Variants in COL4A6 observed in about 807,000 individuals in gnomAD.
COL4A6 encodes collagen type IV alpha 6 chain, also known as collagen alpha-6(IV) chain.
Under a neutral mutation model 126.7 loss-of-function variants are expected in COL4A6, and 59 were observed. That is an observed-to-expected ratio of 0.47 (90% CI 0.38 to 0.58). COL4A6 has a LOEUF of 0.58. Among genes scored for constraint, COL4A6 ranks in the 20% least tolerant of loss-of-function variants. The probability of loss-of-function intolerance (pLI) is 0.00; values close to 1 mark genes in which losing one functional copy is unlikely to be tolerated. For missense variants in COL4A6, 1,285 were observed against 1,337.3 expected (o/e 0.96, Z 0.61); for synonymous variants, 547 against 496.6 (o/e 1.10, Z -1.35).
intron 5 of COL4A6, among the ~76,000 whole-genome samples, chrX:108,219,231 G>A (rs747599288): frequency 8.9e-6 from 1 of 112,299 alleles, no homozygotes; most frequent in South Asian, 3.7e-4. Flanking sequence ...AAACTTTAAA[G>A]GAAAATTCAC....
At chrX:108,263,315 T>C (rs1026641389) in intron 3 of COL4A6, among the ~76,000 whole-genome samples, 6 of 111,960 alleles carry the variant, frequency 5.4e-5, no homozygotes, top group African/African-American at 1.9e-4. Context: ...ATTTAATTGA[T>C]GAACTTAGGC....
intron 2 of COL4A6, chrX:108,383,322 T>C: frequency 4.2e-6 from 1 of 236,478 alleles, no homozygotes; most frequent in South Asian, 9.5e-5. Flanking sequence ...GGTCAACCCA[T>C]CAGAAAGACA....
chrX:108,205,449 T>C lies in COL4A6; in HGVS notation c.677A>G (p.Lys226Arg). The C allele has an allele frequency of 1.7e-6, 2 of 1,202,881 alleles. No individual in the cohort carries two copies. Among genetic ancestry groups the C allele is most frequent in the Non-Finnish European group, 2.3e-6 (2 of 887,585 alleles). The change falls in exon 11 of 45, where the codon AAA (lysine) becomes AGA (arginine). Residue 226 changes from lysine (K) to arginine (R), a missense_variant. Lys to Arg is a conservative substitution (Grantham distance 26). Coordinates refer to ENST00000334504, the MANE Select transcript of COL4A6 (RefSeq NM_033641.4). ...GNMGLGFQGE[K>R]GVKGDVGLPG... ...TTAAAAGCTGTTTACCTTGACTCCTTTCTCTCCTTGAAAACCTAGCCCCAT... is the reference window on the plus strand; with the variant it reads ...TTAAAAGCTGTTTACCTTGACTCCTCTCTCTCCTTGAAAACCTAGCCCCAT...
intron 13 of COL4A6, among the ~76,000 whole-genome samples, chrX:108,201,614 C>A (rs2345393): frequency 8.9e-6 from 1 of 111,862 alleles, no homozygotes; most frequent in East Asian, 2.8e-4. Flanking sequence ...ATTATTAAAA[C>A]TGTGTGATGG....
chrX:108,162,446 C>T (rs1034658562), intron 41 of COL4A6, among the ~76,000 whole-genome samples: 4 of 87,950 alleles, frequency 4.5e-5, no homozygotes, highest in Non-Finnish European at 9.5e-5. Context: ...AAGAGGAAGA[C>T]GAAGAAGAAA....
At chrX:108,231,077 CTACATACA>C (rs112392457) in intron 3 of COL4A6, among the ~76,000 whole-genome samples, 35 of 105,846 alleles carry the variant, frequency 3.3e-4, no homozygotes, top group African/African-American at 4.9e-4. Flanking sequence ...CCCTTTCCAT[CTACATACA>C]TACATACATA....
chrX:108,425,732 A>AC (rs1491279907), intron 2 of COL4A6, among the ~76,000 whole-genome samples: 4,063 of 103,774 alleles, frequency 0.039, 228 homozygotes, highest in African/African-American at 0.13. Context: ...ACACACACAC[A>AC]AACACACACA....
chrX:108,422,785 A>G (rs1453028415), intron 2 of COL4A6, among the ~76,000 whole-genome samples: 1 of 112,011 alleles, frequency 8.9e-6, no homozygotes, highest in Non-Finnish European at 1.9e-5. Context: ...AGGACTGGAA[A>G]GTTTAGGCTG....
intron 3 of COL4A6, among the ~76,000 whole-genome samples, chrX:108,267,028 G>A (rs769404825): frequency 6.3e-5 from 7 of 111,919 alleles, no homozygotes; most frequent in Non-Finnish European, 1.3e-4. Context: ...AATGGATGTC[G>A]CTGGGCTAAA....
intron 3 of COL4A6, among the ~76,000 whole-genome samples, chrX:108,305,907 A>T (rs1485766251): frequency 8.9e-6 from 1 of 112,307 alleles, no homozygotes; most frequent in African/African-American, 3.2e-5. Context: ...ATCTAAGCAG[A>T]GATATCCAGC....
At chrX:108,211,621 T>C in intron 7 of COL4A6, 51 bp downstream of exon 7, 2 of 1,132,767 alleles carry the variant, frequency 1.8e-6, no homozygotes, top group Non-Finnish European at 2.4e-6. Context: ...GGCCCAATGC[T>C]GGGGAACCCA....
At chrX:108,229,991 G>GA (rs2036264717) in intron 3 of COL4A6, among the ~76,000 whole-genome samples, 1 of 112,487 alleles carries the variant, frequency 8.9e-6, no homozygotes, top group African/African-American at 3.2e-5. Flanking sequence ...CAAAACAGAG[G>GA]AAAGTGCAAA....
At position 108,187,897 on chromosome X, in the gene COL4A6, TCTC is replaced by T. The variant is rs776704403; in HGVS notation, c.1715_1717del (p.Gly572del). 8.3e-7 allele frequency: 1 copy of T among 1,209,126 alleles called. No homozygotes were observed. The highest frequency in any genetic ancestry group is 2.2e-5 in the Admixed American group (1 of 45,971). On this transcript the variant is annotated inframe_deletion, in exon 22 of 45. Transcript: ENST00000334504. ...ACCTGGTACTCCGTCCTTGCCTGGT[TCTC>T]CTATTACACCACGGAAGCCCTGGGA...
chrX:108,384,432 G>A (rs2040637943), intron 2 of COL4A6, among the ~76,000 whole-genome samples: 1 of 112,547 alleles, frequency 8.9e-6, no homozygotes, highest in East Asian at 2.8e-4. Flanking sequence ...ATGAATGACT[G>A]TTTTATCTCA....
intron 3 of COL4A6, among the ~76,000 whole-genome samples, chrX:108,282,876 T>G (rs1413314616): frequency 9.2e-6 from 1 of 108,529 alleles, no homozygotes. Context: ...AAATTGTTAT[T>G]CTCAGTAAAC....
At chrX:108,167,642 T>C (rs2034172192) in intron 37 of COL4A6, among the ~76,000 whole-genome samples, 1 of 111,670 alleles carries the variant, frequency 9.0e-6, no homozygotes, top group Non-Finnish European at 1.9e-5. Context: ...AACCACTCTG[T>C]GATGTTTTCT....
chrX:108,219,607 A>G, intron 5 of COL4A6, 91 bp downstream of exon 5: 1 of 794,393 alleles, frequency 1.3e-6, no homozygotes, highest in South Asian at 2.2e-5. Context: ...GCATGCTTGC[A>G]TGAGACAGGA....
At chrX:108,381,409 T>TA (rs751689398) in intron 2 of COL4A6, among the ~76,000 whole-genome samples, 1 of 112,257 alleles carries the variant, frequency 8.9e-6, no homozygotes, top group African/African-American at 3.2e-5. Flanking sequence ...TATGTATCTT[T>TA]AAAAAATTTA....
intron 3 of COL4A6, among the ~76,000 whole-genome samples, chrX:108,306,512 GA>G (rs1248929223): frequency 9.0e-6 from 1 of 111,718 alleles, no homozygotes; most frequent in Non-Finnish European, 1.9e-5. Flanking sequence ...TAATTAAGGA[GA>G]AAATGGAAAG....
Sources: allele counts gnomAD v4.1 joint callset (sites outside exome capture counted in the v4.1 genomes callset), GRCh38; gene constraint gnomAD v4.1.1; transcripts MANE v1.5; gene names NCBI Gene and HGNC (gene_info 2026-07-23, HGNC 2026-07-21).